Variants in MYT1L observed in about 807,000 individuals in gnomAD.
MYT1L encodes the protein myelin transcription factor 1 like.
A neutral mutation model predicts 126.7 loss-of-function variants in MYT1L; 12 were observed. That is an observed-to-expected ratio of 0.09 (90% CI 0.06 to 0.15). MYT1L has a LOEUF of 0.15. Among genes scored for constraint, MYT1L ranks in the 10% least tolerant of loss-of-function variants. The probability of loss-of-function intolerance (pLI) is 1.00; values close to 1 mark genes in which losing one functional copy is unlikely to be tolerated. For synonymous variants in MYT1L, 541 were observed against 604.2 expected (o/e 0.90, Z 1.53); for missense variants, 979 against 1,585.2 (o/e 0.62, Z 6.49).
Position 1,892,073 on chromosome 2 carries a change from G to C in MYT1L, c.2247C>G (p.Asn749Lys). The C allele has an allele frequency of 6.5e-7, 1 of 1,541,040 alleles. No homozygotes were observed. The highest frequency in any genetic ancestry group is 8.7e-7 in the Non-Finnish European group (1 of 1,146,090). The change falls in exon 15 of 25, where the codon AAC becomes AAG. Residue 749 changes from asparagine to lysine, a missense_variant. Coordinates refer to ENST00000647738, the MANE Select transcript of MYT1L (RefSeq NM_001303052.2). ...LSTRCREMPQ[N>K]LSTKPQDLCA... The stretch of plus-strand genomic sequence containing the variant: ...ACAGGTCCTGCGGCTTGGTGCTCAG[G>C]TTCTGCGGCATCTCGCGGCAGCGCG...
chr2:2,302,946 C>A (rs990859186), intron 1 of MYT1L, among the ~76,000 whole-genome samples: 1 of 152,024 alleles, frequency 6.6e-6, no homozygotes, highest in Non-Finnish European at 1.5e-5. Context: ...GTCCCTTTTG[C>A]ATAAATACAT....
chr2:2,185,456 C>T (rs543941611), intron 2 of MYT1L, among the ~76,000 whole-genome samples: 1 of 120,054 alleles, frequency 8.3e-6, no homozygotes, highest in Non-Finnish European at 1.7e-5. Flanking sequence ...CGGGCCTCCT[C>T]GAGTCCCGCG....
At chr2:1,915,631 G>A (rs2052713807) in intron 11 of MYT1L, among the ~76,000 whole-genome samples, 1 of 152,260 alleles carries the variant, frequency 6.6e-6, no homozygotes, top group Non-Finnish European at 1.5e-5. Context: ...ATGAAGTACA[G>A]AGAGCTGCAA....
At chr2:2,032,143 G>C (rs1452257761) in intron 4 of MYT1L, among the ~76,000 whole-genome samples, 2 of 123,912 alleles carry the variant, frequency 1.6e-5, no homozygotes, top group Non-Finnish European at 3.3e-5. Context: ...GATTCTAGAA[G>C]GAGGGCCTTA....
chr2:2,068,760 G>A (rs912213964), intron 3 of MYT1L, among the ~76,000 whole-genome samples: 2 of 26,666 alleles, frequency 7.5e-5, no homozygotes, highest in East Asian at 1.2e-3. Flanking sequence ...AGACACCTGT[G>A]TTCTTCTTGT....
At chr2:1,895,663 A>G (rs2049472035) in intron 14 of MYT1L, among the ~76,000 whole-genome samples, 1 of 152,218 alleles carries the variant, frequency 6.6e-6, no homozygotes, top group Non-Finnish European at 1.5e-5. Flanking sequence ...CTAGACCCAT[A>G]CTTTTGCCAT....
chr2:1,862,676 C>T (rs928558873), intron 18 of MYT1L, among the ~76,000 whole-genome samples: 17 of 152,178 alleles, frequency 1.1e-4, no homozygotes, highest in African/African-American at 4.1e-4. Flanking sequence ...ATTACACTGT[C>T]CTCTGCTTCT....
chr2:1,900,977 C>T (rs760139035), intron 14 of MYT1L, among the ~76,000 whole-genome samples: 3 of 152,216 alleles, frequency 2.0e-5, no homozygotes, highest in South Asian at 4.2e-4. Context: ...CATCCTGTCT[C>T]GGCTGATCTT....
chr2:1,984,079 C>T (rs1199290551), intron 5 of MYT1L, among the ~76,000 whole-genome samples: 3 of 152,096 alleles, frequency 2.0e-5, no homozygotes, highest in African/African-American at 7.2e-5. Flanking sequence ...GAAGAGAGAG[C>T]AGGTGAATTA....
chr2:2,245,102 A>G (rs2094508548), intron 2 of MYT1L, among the ~76,000 whole-genome samples: 1 of 152,236 alleles, frequency 6.6e-6, no homozygotes. Context: ...ACAGCTCCCC[A>G]GTGTACAGAT....
At chr2:2,247,958 C>A (rs1179276292) in intron 2 of MYT1L, among the ~76,000 whole-genome samples, 1 of 151,706 alleles carries the variant, frequency 6.6e-6, no homozygotes, top group African/African-American at 2.4e-5. Flanking sequence ...AATAAATAAC[C>A]AATAATGCAT....
chr2:2,026,186 A>G (rs2065540630), intron 4 of MYT1L, among the ~76,000 whole-genome samples: 1 of 152,198 alleles, frequency 6.6e-6, no homozygotes, highest in African/African-American at 2.4e-5. Flanking sequence ...CTTAAAACTT[A>G]AAAACACATT....
At chr2:2,148,382 G>A (rs548496424) in intron 3 of MYT1L, among the ~76,000 whole-genome samples, 107 of 152,174 alleles carry the variant, frequency 7.0e-4, no homozygotes, top group Non-Finnish European at 1.2e-3. Context: ...GAATTCCCAT[G>A]AGAATCTGAT....
At position 1,956,735 on chromosome 2, in the gene MYT1L, G is replaced by C. The variant is rs1185211019; in HGVS notation, c.153-13401C>G. Among the ~76,000 whole-genome samples, 3 of 151,988 alleles carry C rather than the reference G, an allele frequency of 2.0e-5. No individual in the cohort carries two copies. In the East Asian group the frequency reaches 5.8e-4, roughly 29 times the overall value. On this transcript the variant is annotated intron_variant, in intron 8 of 24. Transcript: ENST00000647738. Reference sequence around the variant, plus strand: ...TTGACAAGTTGACAAGTTGACAAGAGATATAAGTTGACAAGAGATATAATA... The same window carrying C: ...TTGACAAGTTGACAAGTTGACAAGACATATAAGTTGACAAGAGATATAATA...
intron 18 of MYT1L, among the ~76,000 whole-genome samples, chr2:1,876,091 C>T (rs540381449): frequency 2.6e-5 from 4 of 152,286 alleles, no homozygotes; most frequent in South Asian, 2.1e-4. Context: ...TCTCTTTGGC[C>T]GCCTGATTCC....
intron 2 of MYT1L, among the ~76,000 whole-genome samples, chr2:2,204,180 T>C (rs867411526): frequency 2.1e-4 from 32 of 152,084 alleles, no homozygotes; most frequent in African/African-American, 6.3e-4. Context: ...CTAGGCAATA[T>C]CATTCAGGAC....
At chr2:2,286,324 A>T (rs1389823528) in intron 1 of MYT1L, among the ~76,000 whole-genome samples, 1 of 152,138 alleles carries the variant, frequency 6.6e-6, no homozygotes, top group Non-Finnish European at 1.5e-5. Flanking sequence ...CATTTGTGAC[A>T]TGCTTTGGCT....
chr2:2,132,869 C>G (rs1207869928), intron 3 of MYT1L, among the ~76,000 whole-genome samples: 1 of 152,214 alleles, frequency 6.6e-6, no homozygotes, highest in South Asian at 2.1e-4. Context: ...GAAATGCTCA[C>G]GGTGGCCTGT....
At chr2:1,976,049 G>A (rs745821599) in intron 8 of MYT1L, among the ~76,000 whole-genome samples, 12 of 147,918 alleles carry the variant, frequency 8.1e-5, no homozygotes, top group Non-Finnish European at 1.3e-4. Flanking sequence ...TGCTGATGCA[G>A]TGTATGAGCA....
Sources: allele counts gnomAD v4.1 joint callset (sites outside exome capture counted in the v4.1 genomes callset), GRCh38; gene constraint gnomAD v4.1.1; transcripts MANE v1.5; gene names NCBI Gene and HGNC (gene_info 2026-07-23, HGNC 2026-07-21).